Variants in DPYD observed in about 807,000 individuals in gnomAD.
DPYD encodes dihydropyrimidine dehydrogenase [NADP(+)].
A neutral mutation model predicts 116.2 loss-of-function variants in DPYD; 109 were observed. That is an observed-to-expected ratio of 0.94 (90% CI 0.80 to 1.10). DPYD has a LOEUF of 1.10. Among genes scored for constraint, DPYD ranks in the 50% least tolerant of loss-of-function variants. The pLI is 0.00. For missense variants in DPYD, 1,302 were observed against 1,254.5 expected, an observed-to-expected ratio of 1.04 and a Z score of -0.57; for synonymous variants, 440 against 432.0, an observed-to-expected ratio of 1.02 and a Z score of -0.23.
At chr1:97,152,969 A>C (rs1655145274) in intron 20 of DPYD, among the ~76,000 whole-genome samples, 1 of 152,124 alleles carries the variant, frequency 6.6e-6, no homozygotes, top group African/African-American at 2.4e-5. Context: ...GGTCTGTAAA[A>C]CACTTAAAAA....
chr1:97,589,950 C>T lies in DPYD; in HGVS notation c.1128+3268G>A, dbSNP rs563487023. 1.9e-4 allele frequency among the ~76,000 whole-genome samples: 29 copies of T among 152,278 alleles called. 1 individual carries two copies. In the South Asian group the frequency reaches 5.2e-3, roughly 27 times the overall value. The stretch of plus-strand genomic sequence containing the variant: ...CAGTGTAGGAGAAAGAAGACAATTA[C>T]TCAAGAAATTAGGGCCAATATTAAA... On this transcript the variant is annotated intron_variant, in intron 10 of 22. Transcript: ENST00000370192.
chr1:97,175,812 A>G lies in DPYD; in HGVS notation c.2622+17257T>C, dbSNP rs181136590. 2.3e-4 allele frequency among the ~76,000 whole-genome samples: 35 copies of G among 152,298 alleles called. 1 individual carries two copies. In the East Asian group the frequency reaches 5.2e-3, roughly 23 times the overall value. On this transcript the variant is annotated intron_variant, in intron 20 of 22. Coordinates refer to ENST00000370192, the MANE Select transcript of DPYD (RefSeq NM_000110.4). ...ATTAATTGATTCAAAAGTGGGAAAAACCATTTCATATAATTTAGGCTACAT... is the reference window on the plus strand; with the variant it reads ...ATTAATTGATTCAAAAGTGGGAAAAGCCATTTCATATAATTTAGGCTACAT...
intron 2 of DPYD, among the ~76,000 whole-genome samples, chr1:97,878,333 C>T (rs552986825): frequency 6.6e-6 from 1 of 152,044 alleles, no homozygotes; most frequent in East Asian, 2.0e-4. Context: ...AAAGGTCTAA[C>T]CTGCACCCTC....
intron 20 of DPYD, among the ~76,000 whole-genome samples, chr1:97,148,571 G>A (rs761388208): frequency 1.3e-4 from 20 of 151,966 alleles, no homozygotes; most frequent in Non-Finnish European, 2.8e-4. Flanking sequence ...TTTCTTTAAA[G>A]ACCTCAATAA....
intron 8 of DPYD, among the ~76,000 whole-genome samples, chr1:97,670,216 A>G (rs977602095): frequency 6.6e-6 from 1 of 152,150 alleles, no homozygotes; most frequent in African/African-American, 2.4e-5. Context: ...TCAATATTCT[A>G]CCTTTAGAGG....
intron 16 of DPYD, among the ~76,000 whole-genome samples, chr1:97,348,309 G>A (rs1017257297): frequency 6.6e-6 from 1 of 152,116 alleles, no homozygotes; most frequent in Non-Finnish European, 1.5e-5. Flanking sequence ...ACAAGGGATT[G>A]AATGCTGTCG....
chr1:97,915,152 T>A (rs1206809350), intron 1 of DPYD, among the ~76,000 whole-genome samples: 1 of 152,088 alleles, frequency 6.6e-6, no homozygotes, highest in African/African-American at 2.4e-5. Flanking sequence ...TAAATTCAAT[T>A]CACAGAAGAA....
chr1:97,906,966 T>C (rs1359604652), intron 1 of DPYD, among the ~76,000 whole-genome samples: 1 of 152,030 alleles, frequency 6.6e-6, no homozygotes, highest in Admixed American at 6.6e-5. Context: ...TTAAGTAAAA[T>C]ATGCGTTTCT....
chr1:97,289,042 G>T (rs1225587791), intron 18 of DPYD, among the ~76,000 whole-genome samples: 5 of 152,166 alleles, frequency 3.3e-5, no homozygotes, highest in Non-Finnish European at 7.3e-5. Context: ...ACTACCATAA[G>T]AGAATACTAC....
intron 2 of DPYD, among the ~76,000 whole-genome samples, chr1:97,850,091 T>TA (rs780987114): frequency 6.6e-6 from 1 of 152,168 alleles, no homozygotes; most frequent in Admixed American, 6.5e-5. Flanking sequence ...AGAATGGTGA[T>TA]AAAAAATAAT....
intron 18 of DPYD, among the ~76,000 whole-genome samples, chr1:97,242,172 CT>C (rs1662418767): frequency 1.6e-5 from 1 of 64,460 alleles, no homozygotes; most frequent in Non-Finnish European, 3.4e-5. Flanking sequence ...ATATATATAT[CT>C]TCTAAGTCTT....
At chr1:97,345,387 A>AT (rs988581380) in intron 16 of DPYD, among the ~76,000 whole-genome samples, 41 of 151,040 alleles carry the variant, frequency 2.7e-4, no homozygotes, top group African/African-American at 1.0e-3. Context: ...TGGGCTCTAC[A>AT]TTTTTGTATA....
At position 97,458,068 on chromosome 1, in the gene DPYD, A is replaced by G. The variant is rs960746046; in HGVS notation, c.1741-7845T>C. 7.9e-5 allele frequency among the ~76,000 whole-genome samples: 12 copies of G among 152,322 alleles called. No homozygotes were observed. The East Asian group carries it at 1.9e-3, about 24-fold the overall frequency. ...AAATTTCTGCTGGCCTGCTTATAAG[A>G]TGATCATGTGATATGCTTTGAAGAA... is the stretch of plus-strand genomic sequence containing the variant. On this transcript the variant is annotated intron_variant, in intron 13 of 22. Transcript: ENST00000370192.
chr1:97,299,581 C>A (rs1666740871), intron 18 of DPYD, among the ~76,000 whole-genome samples: 1 of 152,118 alleles, frequency 6.6e-6, no homozygotes. Flanking sequence ...ATGCTTTAAA[C>A]CTTTGCCCTT....
chr1:97,136,757 T>G (rs1429873996), intron 20 of DPYD, among the ~76,000 whole-genome samples: 1 of 152,152 alleles, frequency 6.6e-6, no homozygotes, highest in African/African-American at 2.4e-5. Context: ...GTGCTGCCAT[T>G]AAATGACACC....
intron 1 of DPYD, among the ~76,000 whole-genome samples, chr1:97,904,590 T>C (rs1043182420): frequency 1.3e-5 from 2 of 152,038 alleles, no homozygotes; most frequent in African/African-American, 4.8e-5. Flanking sequence ...GGAATTTATA[T>C]TAACAAGTTT....
chr1:97,551,411 G>A (rs993647505), intron 11 of DPYD, among the ~76,000 whole-genome samples: 3 of 151,900 alleles, frequency 2.0e-5, no homozygotes, highest in African/African-American at 7.3e-5. Context: ...TTTTAATAAT[G>A]GCAACTGTAA....
intron 16 of DPYD, among the ~76,000 whole-genome samples, chr1:97,360,449 C>A (rs1208800200): frequency 1.3e-5 from 2 of 152,128 alleles, no homozygotes; most frequent in African/African-American, 2.4e-5. Context: ...CTGCACCAAG[C>A]AGACCTAATA....
At chr1:97,204,774 TTGGTTTAGTTTAACATTC>T (rs1659478252) in intron 19 of DPYD, among the ~76,000 whole-genome samples, 1 of 152,088 alleles carries the variant, frequency 6.6e-6, no homozygotes, top group Non-Finnish European at 1.5e-5. Context: ...TCCGTCACTT[TTGGTTTAGTTTAACATTC>T]TGGTCTTTCA....
Sources: allele counts gnomAD v4.1 joint callset (sites outside exome capture counted in the v4.1 genomes callset), GRCh38; gene constraint gnomAD v4.1.1; transcripts MANE v1.5; gene names NCBI Gene and HGNC (gene_info 2026-07-23, HGNC 2026-07-21).